The following HS6ST1 variants were observed in gnomAD, a reference collection of about 807,000 sequenced individuals.
HS6ST1 encodes the protein heparan sulfate 6-O-sulfotransferase 1.
In HS6ST1, 3 loss-of-function variants were observed where a neutral mutation model predicts 25.2. That is an observed-to-expected ratio of 0.12 (90% CI 0.05 to 0.31). The LOEUF is 0.31. Ranked by LOEUF, HS6ST1 falls within the 10% of genes least tolerant of loss-of-function variation. HS6ST1 has a pLI of 1.00. For synonymous variants in HS6ST1, 204 were observed against 275.1 expected, an observed-to-expected ratio of 0.74 and a Z score of 2.56; for missense variants, 310 against 609.6, an observed-to-expected ratio of 0.51 and a Z score of 5.18.
chr2:128,306,282 T>C (rs1694207041), intron 1 of HS6ST1, among the ~76,000 whole-genome samples: 1 of 152,118 alleles, frequency 6.6e-6, no homozygotes. Context: ...TCAACTGTGG[T>C]CGGGCTGGAG....
chr2:128,304,390 C>T (rs531465035), intron 1 of HS6ST1, among the ~76,000 whole-genome samples: 5 of 152,230 alleles, frequency 3.3e-5, no homozygotes, highest in Non-Finnish European at 7.3e-5. Context: ...GTGCATGGTA[C>T]AGGCCTGGTG....
intron 1 of HS6ST1, among the ~76,000 whole-genome samples, chr2:128,308,352 C>T (rs1694241886): frequency 6.6e-6 from 1 of 152,200 alleles, no homozygotes; most frequent in Non-Finnish European, 1.5e-5. Context: ...CTGGTGGGGT[C>T]TAGGGAAGGG....
chr2:128,299,901 C>G (rs1573704495), intron 1 of HS6ST1, among the ~76,000 whole-genome samples: 1 of 152,202 alleles, frequency 6.6e-6, no homozygotes, highest in Non-Finnish European at 1.5e-5. Flanking sequence ...CTTGTGGCAG[C>G]ACAAACACCA....
intron 1 of HS6ST1, among the ~76,000 whole-genome samples, chr2:128,270,512 T>C (rs1191388111): frequency 6.6e-6 from 1 of 152,180 alleles, no homozygotes; most frequent in East Asian, 1.9e-4. Context: ...GGCGGGACCT[T>C]CTTCAGGTAG....
chr2:128,300,446 C>T (rs1022793251), intron 1 of HS6ST1, among the ~76,000 whole-genome samples: 3 of 152,194 alleles, frequency 2.0e-5, no homozygotes, highest in East Asian at 3.9e-4. Flanking sequence ...ACCTGGGCCA[C>T]GTCAAGGGGG....
chr2:128,306,921 G>A (rs1001940932), intron 1 of HS6ST1, among the ~76,000 whole-genome samples: 42 of 152,148 alleles, frequency 2.8e-4, no homozygotes, highest in African/African-American at 1.0e-3. Flanking sequence ...GTCATGGGGG[G>A]AGGCTGAGGC....
At chr2:128,273,758 T>C (rs1334421868) in intron 1 of HS6ST1, among the ~76,000 whole-genome samples, 1 of 152,260 alleles carries the variant, frequency 6.6e-6, no homozygotes, top group South Asian at 2.1e-4. Flanking sequence ...CATCTGCTGT[T>C]TACTCTCCAG....
intron 1 of HS6ST1, among the ~76,000 whole-genome samples, chr2:128,293,503 C>CCAG (rs1693991318): frequency 6.6e-6 from 1 of 152,248 alleles, no homozygotes; most frequent in African/African-American, 2.4e-5. Context: ...TCCTCATACC[C>CCAG]CAGGACGGGA....
At chr2:128,301,126 G>A (rs1226305773) in intron 1 of HS6ST1, among the ~76,000 whole-genome samples, 2 of 152,130 alleles carry the variant, frequency 1.3e-5, no homozygotes, top group Admixed American at 6.5e-5. Context: ...GGGTTTCTGG[G>A]GGCTGCGTAG....
rs1222403214 is a variant in HS6ST1 at position 128,266,801 on chromosome 2, G to A, written c.*1361C>T. The stretch of plus-strand genomic sequence containing the variant: ...CTAGAGACACCAGCTTGGCCTCCTA[G>A]GGCATAAGGAATGGGGACAGGGCAC... On this transcript the variant is annotated 3_prime_UTR_variant, in exon 2 of 2. Transcript: ENST00000259241. 1.3e-5 allele frequency: 2 copies of A among 152,294 alleles called. No individual in the cohort carries two copies. Among genetic ancestry groups the A allele is most frequent in the Non-Finnish European group, 2.9e-5 (2 of 68,098 alleles). 9.4% of individuals were successfully genotyped at this position (152,294 alleles called of 1,614,324 possible). A position where few individuals can be genotyped will look rare whatever the true frequency, so the allele number is the denominator to read the frequency against.
intron 1 of HS6ST1, among the ~76,000 whole-genome samples, chr2:128,290,615 T>C (rs1300066736): frequency 1.3e-5 from 2 of 152,058 alleles, no homozygotes; most frequent in Non-Finnish European, 1.5e-5. Context: ...TCAGTAAATG[T>C]GTAAGAAGCA....
At chr2:128,273,912 G>C (rs1693652624) in intron 1 of HS6ST1, among the ~76,000 whole-genome samples, 1 of 152,124 alleles carries the variant, frequency 6.6e-6, no homozygotes. Flanking sequence ...GGTGCCAAGG[G>C]GGCGGCTCAT....
chr2:128,275,631 G>A (rs1162926750), intron 1 of HS6ST1, among the ~76,000 whole-genome samples: 1 of 152,176 alleles, frequency 6.6e-6, no homozygotes, highest in Admixed American at 6.5e-5. Flanking sequence ...CACTGCATCA[G>A]TTACCAAGGC....
intron 1 of HS6ST1, among the ~76,000 whole-genome samples, chr2:128,311,885 G>A (rs1201882963): frequency 1.3e-5 from 2 of 152,228 alleles, no homozygotes; most frequent in Admixed American, 1.3e-4. Flanking sequence ...ATCTTATGGG[G>A]GAGGTGGCAG....
chr2:128,309,357 T>C (rs1301222266), intron 1 of HS6ST1, among the ~76,000 whole-genome samples: 1 of 152,258 alleles, frequency 6.6e-6, no homozygotes, highest in Non-Finnish European at 1.5e-5. Context: ...AGAGCTAGAA[T>C]GCAAACTGGG....
At chr2:128,271,278 C>T (rs1693605688) in intron 1 of HS6ST1, among the ~76,000 whole-genome samples, 2 of 152,224 alleles carry the variant, frequency 1.3e-5, no homozygotes, top group Admixed American at 6.5e-5. Flanking sequence ...GTGTGTGTAT[C>T]GTGCAGGCTC....
rs1159261998 is a variant in HS6ST1, at chr2:128,318,476, G to A, written c.88C>T (p.Leu30Phe). Residue 30 changes from leucine (L) to phenylalanine (F), a missense_variant, in exon 1 of 2, where the codon CTC becomes TTC. Leu to Phe is a conservative substitution (Grantham distance 22). Coordinates refer to ENST00000259241, the MANE Select transcript of HS6ST1 (RefSeq NM_004807.3). The surrounding 1 kb of genome is among the most constrained non-coding windows in gnomAD (Gnocchi z 5.7). ...GGGCCCGCGTACTGGTACAAGATGA[G>A]CATGAAGCACACCGAGCCCGCCACC... is the stretch of plus-strand genomic sequence containing the variant. Reference protein sequence around the residue: ...LVVAGSVCFMLILYQYAGPGL... With the variant: ...LVVAGSVCFMFILYQYAGPGL... 9 of 1,568,102 alleles carry A rather than the reference G, an allele frequency of 5.7e-6. No individual in the cohort carries two copies. Among genetic ancestry groups the A allele is most frequent in the Middle Eastern group, 2.0e-4 (1 of 5,000 alleles).
chr2:128,291,950 C>T (rs913886788), intron 1 of HS6ST1, among the ~76,000 whole-genome samples: 1 of 152,224 alleles, frequency 6.6e-6, no homozygotes, highest in South Asian at 2.1e-4. Context: ...TCTGAATGCA[C>T]ACTCTTCTCA....
At chr2:128,276,128 T>C (rs1256534772) in intron 1 of HS6ST1, among the ~76,000 whole-genome samples, 1 of 152,114 alleles carries the variant, frequency 6.6e-6, no homozygotes, top group Non-Finnish European at 1.5e-5. Flanking sequence ...CATATACATG[T>C]TGAAATTATT....
Sources: gnomAD v4.1 joint callset for allele counts (sites outside exome capture counted in the v4.1 genomes callset) on GRCh38, gnomAD v4.1.1 for gene constraint, Gnocchi (gnomAD v3.1) non-coding constraint, MANE v1.5 for transcripts, NCBI Gene and HGNC (gene_info 2026-07-23, HGNC 2026-07-21) for gene names.